PRMT8: variants seen among roughly 807,000 people sequenced by gnomAD.
PRMT8 encodes protein arginine methyltransferase 8.
PRMT8 carries 7 observed loss-of-function variants against 47.1 expected under a neutral mutation model. The observed-to-expected ratio is 0.15, with a 90% CI of 0.08 to 0.28. PRMT8 has a LOEUF of 0.28. Among genes scored for constraint, PRMT8 ranks in the 10% least tolerant of loss-of-function variants. The pLI, the probability that PRMT8 is intolerant of heterozygous loss-of-function variation, is 1.00. For synonymous variants in PRMT8, 188 were observed against 186.5 expected, an observed-to-expected ratio of 1.01 and a Z score of -0.07; for missense variants, 237 against 505.4, an observed-to-expected ratio of 0.47 and a Z score of 5.09.
At chr12:3,464,281 AAC>A (rs1472987737) in intron 1 of PRMT8, among the ~76,000 whole-genome samples, 4 of 151,382 alleles carry the variant, frequency 2.6e-5, no homozygotes, top group African/African-American at 7.3e-5. Context: ...AAAAAAAAAA[AAC>A]AAACTGCACA....
chr12:3,433,192 A>G (rs533220943), intron 1 of PRMT8, among the ~76,000 whole-genome samples: 82 of 152,328 alleles, frequency 5.4e-4, no homozygotes, highest in African/African-American at 1.9e-3. Context: ...TCTTTGATCA[A>G]TAGTGAGGTT....
chr12:3,462,155 G>T (rs1865049245), intron 1 of PRMT8, among the ~76,000 whole-genome samples: 1 of 152,050 alleles, frequency 6.6e-6, no homozygotes, highest in East Asian at 1.9e-4. Flanking sequence ...TTGGTTTTCT[G>T]TTCTTGTGTT....
chr12:3,563,017 C>A (rs1180591513), intron 4 of PRMT8, among the ~76,000 whole-genome samples: 1 of 152,128 alleles, frequency 6.6e-6, no homozygotes, highest in Non-Finnish European at 1.5e-5. Flanking sequence ...AACCCCTGCT[C>A]CCCTTTGGCC....
Position 3,492,241 on chromosome 12 carries a change from G to A in PRMT8, c.75+541G>A, listed in dbSNP as rs950931082. ...GAGAGCCCCCGGCCGCGGGGGCCGA[G>A]CCGGCAGGAGGACTCGGGCACCTCC... On this transcript the variant is annotated intron_variant, in intron 1 of 9. Coordinates refer to ENST00000382622, the MANE Select transcript of PRMT8 (RefSeq NM_019854.5). This position sits in a 1 kb window ranked among gnomAD's most constrained non-coding sequence, Gnocchi z 7.5. 6.6e-6 allele frequency among the ~76,000 whole-genome samples: 1 copy of A among 152,202 alleles called. No individual in the cohort carries two copies. Among genetic ancestry groups the A allele is most frequent in the African/African-American group, 2.4e-5 (1 of 41,540 alleles).
chr12:3,543,284 C>T (rs910064142), intron 2 of PRMT8, among the ~76,000 whole-genome samples: 1 of 152,202 alleles, frequency 6.6e-6, no homozygotes, highest in African/African-American at 2.4e-5. Context: ...TTTCCCAGAT[C>T]ATCTGCATGA....
rs369222759 is a variant in PRMT8, at chr12:3,531,674, C to T, written c.76-8932C>T. On this transcript the variant is annotated intron_variant, in intron 1 of 9. Transcript: ENST00000382622. ...GTGCACAGCATGCAGCTGCTGAGGG[C>T]GGCCTTCGCGTCAAGCGTCTCAGTG... Among the ~76,000 whole-genome samples the T allele has an allele frequency of 1.1e-4, 16 of 152,292 alleles. No individual in the cohort carries two copies. In the East Asian group the frequency reaches 1.9e-3, roughly 18 times the overall value.
At chr12:3,495,987 A>G (rs1355888115) in intron 1 of PRMT8, among the ~76,000 whole-genome samples, 2 of 152,030 alleles carry the variant, frequency 1.3e-5, no homozygotes, top group African/African-American at 4.8e-5. Flanking sequence ...TCATCTGAAT[A>G]GCAGATAAAT....
intron 9 of PRMT8, among the ~76,000 whole-genome samples, chr12:3,592,775 C>T (rs924626703): frequency 1.3e-5 from 2 of 152,150 alleles, no homozygotes; most frequent in Admixed American, 6.5e-5. Context: ...TGGGCATGAG[C>T]GCTAAAAACG....
intron 1 of PRMT8, among the ~76,000 whole-genome samples, chr12:3,443,132 A>G (rs1864820920): frequency 6.6e-6 from 1 of 152,180 alleles, no homozygotes; most frequent in Non-Finnish European, 1.5e-5. Flanking sequence ...GAGTGATCCT[A>G]AGACAACGCT....
At position 3,565,001 on chromosome 12, in the gene PRMT8, A is replaced by C. The variant is rs544761062; in HGVS notation, c.482-3705A>C. Among the ~76,000 whole-genome samples, 4 of 152,366 alleles carry C rather than the reference A, an allele frequency of 2.6e-5. No homozygotes were observed. In the South Asian group the frequency reaches 6.2e-4, roughly 24 times the overall value. On this transcript the variant is annotated intron_variant, in intron 4 of 9. Coordinates refer to ENST00000382622, the MANE Select transcript of PRMT8 (RefSeq NM_019854.5). The stretch of plus-strand genomic sequence containing the variant: ...GGTGACTACAGACTGCAGGAAGAAT[A>C]TTCATGGTGATTCAGCTGGACAGTT...
Position 3,557,808 on chromosome 12 carries a change from C to G in PRMT8, c.481+4094C>G, listed in dbSNP as rs1591601335. 6.6e-6 allele frequency among the ~76,000 whole-genome samples: 1 copy of G among 152,010 alleles called. No homozygotes were observed. Among genetic ancestry groups the G allele is most frequent in the South Asian group, 2.1e-4 (1 of 4,806 alleles). On this transcript the variant is annotated intron_variant, in intron 4 of 9. Transcript: ENST00000382622. The surrounding 1 kb of genome is among the most constrained non-coding windows in gnomAD (Gnocchi z 4.7). ...CCAGGAGTGCTGCTGAGCCTGAAAG[C>G]CTGTTGGGAGGGGAGGCAGTGTGTG...
chr12:3,574,826 G>A (rs1866909926), intron 6 of PRMT8, among the ~76,000 whole-genome samples: 1 of 152,206 alleles, frequency 6.6e-6, no homozygotes, highest in African/African-American at 2.4e-5. Context: ...TGACTCTCAG[G>A]CTTTTGCTTA....
rs564654107 is a variant in PRMT8 at position 3,525,556 on chromosome 12, T to A, written c.76-15050T>A. On this transcript the variant is annotated intron_variant, in intron 1 of 9. Transcript: ENST00000382622. ...AGATATTCCTTGGGAAAATGGTCTT[T>A]TAGACTTGTTCTTCTCTCTTTCCCA... Among the ~76,000 whole-genome samples, 10 of 152,346 alleles carry A rather than the reference T, an allele frequency of 6.6e-5. No homozygotes were observed. In the South Asian group the frequency reaches 2.1e-3, roughly 32 times the overall value.
Position 3,491,457 on chromosome 12 carries a change from A to G in PRMT8, c.-169A>G. The G allele has an allele frequency of 7.2e-7, 1 of 1,397,622 alleles. No individual in the cohort carries two copies. The highest frequency in any genetic ancestry group is 9.3e-7 in the Non-Finnish European group (1 of 1,077,236). 86.6% of individuals were successfully genotyped at this position (1,397,622 alleles called of 1,614,324 possible). ...AAGGGAGGAAAATAAAAGAAAGTGG[A>G]GACTGCAGAACAGACTCCGCTGTGG... On this transcript the variant is annotated 5_prime_UTR_variant, in exon 1 of 10. Transcript: ENST00000382622.
upstream of PRMT8, among the ~76,000 whole-genome samples, chr12:3,487,930 C>A (rs1865337182): frequency 6.6e-6 from 1 of 152,194 alleles, no homozygotes. Flanking sequence ...CTAAATCATA[C>A]TCTCTGGGGG....
chr12:3,481,383 C>T (rs908747847), intron 1 of PRMT8, among the ~76,000 whole-genome samples: 1 of 152,210 alleles, frequency 6.6e-6, no homozygotes, highest in African/African-American at 2.4e-5. Flanking sequence ...GGGGTGTCAT[C>T]TGCACTCCAC....
chr12:3,470,543 C>A (rs1205506002), intron 1 of PRMT8, among the ~76,000 whole-genome samples: 1 of 152,168 alleles, frequency 6.6e-6, no homozygotes, highest in African/African-American at 2.4e-5. Flanking sequence ...CACTGTGAAG[C>A]CGTTGCTGGC....
intron 2 of PRMT8, among the ~76,000 whole-genome samples, chr12:3,546,882 A>G (rs976260217): frequency 7.2e-5 from 11 of 152,274 alleles, no homozygotes; most frequent in African/African-American, 2.7e-4. Context: ...TGTTTCTCAT[A>G]ATTATGAATA....
At chr12:3,381,465 T>G (rs1470689998) in intron 1 of PRMT8, 18 of 1,535,092 alleles carry the variant, frequency 1.2e-5, no homozygotes, top group Non-Finnish European at 1.6e-5. Context: ...GTATGGTAAT[T>G]TCTTTCCTTT....
Sources: allele counts gnomAD v4.1 joint callset (sites outside exome capture counted in the v4.1 genomes callset), GRCh38; gene constraint gnomAD v4.1.1; non-coding constraint Gnocchi (gnomAD v3.1); transcripts MANE v1.5; gene names NCBI Gene and HGNC (gene_info 2026-07-23, HGNC 2026-07-21).